The following ANO3 variants were observed in gnomAD, a reference collection of about 807,000 sequenced individuals.
ANO3 encodes the protein anoctamin-3.
In ANO3, 99 loss-of-function variants were observed where a neutral mutation model predicts 144.8. The ratio of observed to expected loss-of-function variants is 0.68; its 90% CI spans 0.58 to 0.81. The LOEUF (loss-of-function observed/expected upper bound fraction) is 0.81, where lower values mean the gene tolerates loss of function less well. Ranked by LOEUF, ANO3 falls within the 30% of genes least tolerant of loss-of-function variation. The pLI is 0.00. For missense variants in ANO3, 905 were observed against 1,202.2 expected (o/e 0.75, Z 3.66); for synonymous variants, 414 against 392.6 (o/e 1.05, Z -0.64).
At chr11:26,648,593 C>G (rs1425183299) in intron 24 of ANO3, among the ~76,000 whole-genome samples, 2 of 143,268 alleles carry the variant, frequency 1.4e-5, no homozygotes, top group African/African-American at 2.6e-5. Context: ...CAGATGTCCT[C>G]TGGGGGACAA....
At chr11:26,260,542 A>G (rs1209024901) in intron 1 of ANO3, among the ~76,000 whole-genome samples, 1 of 152,176 alleles carries the variant, frequency 6.6e-6, no homozygotes, top group Non-Finnish European at 1.5e-5. Context: ...AGGGGGCCTG[A>G]GATTGTTGGA....
At chr11:26,429,833 G>A (rs898197866) in intron 1 of ANO3, among the ~76,000 whole-genome samples, 11 of 152,142 alleles carry the variant, frequency 7.2e-5, no homozygotes, top group Non-Finnish European at 1.3e-4. Context: ...CATTTAGAAA[G>A]TACCTGTCTT....
chr11:26,306,271 G>A (rs114786643), upstream of ANO3, among the ~76,000 whole-genome samples: 5,903 of 151,912 alleles, frequency 0.039, 393 homozygotes, highest in African/African-American at 0.14. Flanking sequence ...ACCGCTCCCG[G>A]CCTATTCTTC....
chr11:26,443,862 A>T (rs1320429999), intron 3 of ANO3, 26 bp downstream of exon 3: 1 of 1,505,262 alleles, frequency 6.6e-7, no homozygotes, highest in Non-Finnish European at 9.2e-7. Flanking sequence ...GTATTTACCT[A>T]CTCCTTTCCC....
At chr11:26,339,009 C>G (rs1855276577) in intron 1 of ANO3, among the ~76,000 whole-genome samples, 1 of 152,190 alleles carries the variant, frequency 6.6e-6, no homozygotes, top group Non-Finnish European at 1.5e-5. Context: ...TTTATACTCC[C>G]TAAGGCTTTA....
intron 1 of ANO3, among the ~76,000 whole-genome samples, chr11:26,190,136 G>T (rs927362283): frequency 6.6e-6 from 1 of 152,114 alleles, no homozygotes; most frequent in African/African-American, 2.4e-5. Flanking sequence ...TAATGGGAAC[G>T]TAAAAGTTAA....
At chr11:26,440,875 G>T (rs1858485315) in intron 1 of ANO3, among the ~76,000 whole-genome samples, 1 of 152,140 alleles carries the variant, frequency 6.6e-6, no homozygotes, top group African/African-American at 2.4e-5. Flanking sequence ...GAGGTTTAGA[G>T]TGCCAAGGGA....
intron 1 of ANO3, among the ~76,000 whole-genome samples, chr11:26,391,670 T>TTA (rs1856883681): frequency 6.6e-6 from 1 of 152,142 alleles, no homozygotes; most frequent in Non-Finnish European, 1.5e-5. Context: ...GATCTCTTAT[T>TTA]TGCAGATGGT....
At chr11:26,200,067 C>T (rs556620526) in intron 1 of ANO3, among the ~76,000 whole-genome samples, 9 of 152,130 alleles carry the variant, frequency 5.9e-5, no homozygotes, top group African/African-American at 1.4e-4. Context: ...TGAAACTTGA[C>T]GCAGTCATGA....
intron 14 of ANO3, chr11:26,572,010 G>A (rs1463428724): frequency 4.2e-5 from 35 of 843,084 alleles, no homozygotes; most frequent in South Asian, 2.2e-4. Context: ...GAGAGAAAGC[G>A]AGAGACCTAA....
intron 11 of ANO3, among the ~76,000 whole-genome samples, chr11:26,547,002 A>G (rs1205126603): frequency 6.6e-6 from 1 of 151,886 alleles, no homozygotes; most frequent in Non-Finnish European, 1.5e-5. Context: ...TGAAGGGTGC[A>G]GATGGAGAGG....
chr11:26,509,571 C>G (rs1274415593), intron 5 of ANO3, among the ~76,000 whole-genome samples: 2 of 152,074 alleles, frequency 1.3e-5, no homozygotes, highest in Admixed American at 1.3e-4. Flanking sequence ...CTTCAGCCCC[C>G]CAAAGTACTG....
In ANO3 at chr11:26,559,526, C is replaced by T. The variant is rs962176432; in HGVS notation, c.1387-193C>T. ...GAGAAGAGGGCTAATGTTGTTTCTT[C>T]ACCTCTCCCCATGAGAAAAATCATG... On this transcript the variant is annotated intron_variant, in intron 13 of 26. Coordinates refer to ENST00000256737, the MANE Select transcript of ANO3 (RefSeq NM_031418.4). 2.2e-5 allele frequency: 12 copies of T among 556,432 alleles called. No individual in the cohort carries two copies. The Admixed American group carries it at 3.6e-4, about 17-fold the overall frequency. The allele number at this position is 556,432 out of a possible 1,614,324, so 34.5% of individuals were successfully genotyped here.
At chr11:26,537,048 A>T (rs561282460) in intron 9 of ANO3, among the ~76,000 whole-genome samples, 2 of 142,998 alleles carry the variant, frequency 1.4e-5, no homozygotes, top group East Asian at 4.1e-4. Flanking sequence ...ACTGGGTGGG[A>T]TATAGAATTT....
intron 1 of ANO3, among the ~76,000 whole-genome samples, chr11:26,213,529 T>C (rs551226393): frequency 6.6e-6 from 1 of 152,174 alleles, no homozygotes; most frequent in Non-Finnish European, 1.5e-5. Context: ...CCATTCACAA[T>C]TGCTACAAGA....
intron 24 of ANO3, among the ~76,000 whole-genome samples, chr11:26,655,525 ATT>A (rs1214971191): frequency 2.6e-5 from 4 of 152,016 alleles, no homozygotes; most frequent in Non-Finnish European, 5.9e-5. Flanking sequence ...CTTCATTTTT[ATT>A]TTCATAGCAC....
intron 1 of ANO3, among the ~76,000 whole-genome samples, chr11:26,391,758 C>A (rs1414382490): frequency 2.0e-5 from 3 of 152,028 alleles, no homozygotes; most frequent in Non-Finnish European, 4.4e-5. Context: ...GAGACCCTAT[C>A]TCTATTTAAG....
At chr11:26,438,885 T>C (rs944347376) in intron 1 of ANO3, among the ~76,000 whole-genome samples, 4 of 152,150 alleles carry the variant, frequency 2.6e-5, no homozygotes, top group African/African-American at 9.6e-5. Context: ...CAAAGCAATC[T>C]TGAAAAGAGA....
intron 1 of ANO3, among the ~76,000 whole-genome samples, chr11:26,295,969 T>C (rs567805672): frequency 1.3e-5 from 2 of 152,346 alleles, no homozygotes; most frequent in Non-Finnish European, 2.9e-5. Flanking sequence ...TCTTGTGATA[T>C]GAACACCCCA....
Sources: gnomAD v4.1 joint callset for allele counts (sites outside exome capture counted in the v4.1 genomes callset) on GRCh38, gnomAD v4.1.1 for gene constraint, MANE v1.5 for transcripts, NCBI Gene and HGNC (gene_info 2026-07-23, HGNC 2026-07-21) for gene names.